PCDHA1: variants seen among roughly 807,000 people sequenced by gnomAD.
The protein encoded by PCDHA1 is protocadherin alpha 1, also known as protocadherin alpha-1.
A neutral mutation model predicts 61.3 loss-of-function variants in PCDHA1; 42 were observed. The ratio of observed to expected loss-of-function variants is 0.69; its 90% CI spans 0.54 to 0.89. PCDHA1 has a LOEUF of 0.89. Ranked by LOEUF, PCDHA1 falls within the 40% of genes least tolerant of loss-of-function variation. The pLI is 0.00. For missense variants in PCDHA1, 1,256 were observed against 1,235.3 expected (o/e 1.02, Z -0.25); for synonymous variants, 610 against 553.8 (o/e 1.10, Z -1.43).
intron 1 of PCDHA1, among the ~76,000 whole-genome samples, chr5:140,799,614 G>A (rs1432047131): frequency 1.3e-5 from 2 of 151,580 alleles, no homozygotes; most frequent in African/African-American, 2.4e-5. Context: ...TATTTATCTT[G>A]CTTGAAAAAG....
intron 1 of PCDHA1, chr5:140,821,904 C>G (rs1360851482): frequency 1.2e-6 from 2 of 1,614,220 alleles, no homozygotes; most frequent in Non-Finnish European, 1.7e-6. Flanking sequence ...ACGGAACCTT[C>G]GTTGGCCGCA....
intron 1 of PCDHA1, chr5:140,850,527 T>C: frequency 6.3e-7 from 1 of 1,598,028 alleles, no homozygotes; most frequent in Non-Finnish European, 8.6e-7. Flanking sequence ...GGCGCCAAAG[T>C]CATCGTCGCG....
intron 1 of PCDHA1, among the ~76,000 whole-genome samples, chr5:140,871,851 A>G (rs561924103): frequency 6.6e-6 from 1 of 152,382 alleles, no homozygotes; most frequent in East Asian, 1.9e-4. Flanking sequence ...AATTATGACC[A>G]TAATAACTAT....
At chr5:140,981,643 G>A (rs998815671) in intron 2 of PCDHA1, among the ~76,000 whole-genome samples, 3 of 151,992 alleles carry the variant, frequency 2.0e-5, no homozygotes, top group African/African-American at 7.3e-5. Context: ...TTTTCTCTTA[G>A]GATCCCACTT....
At position 140,788,566 on chromosome 5, in the gene PCDHA1, G is replaced by T. The variant is rs2240695; in HGVS notation, c.2276G>T (p.Cys759Phe). The change falls in exon 1 of 4, where the codon TGC becomes TTC. Residue 759 changes from cysteine (C) to phenylalanine (F), a missense_variant. Coordinates refer to ENST00000504120, the MANE Select transcript of PCDHA1 (RefSeq NM_018900.4). ...TCACAGCAGAGGCGGCAGAGGGTGT[G>T]CTCTAGCGAGGGCCCACCCAAGACC... ...SNSQQRRQRVCSSEGPPKTDL... is the reference protein window; with the variant it reads ...SNSQQRRQRVFSSEGPPKTDL... 850,019 of 1,613,562 alleles carry T rather than the reference G, an allele frequency of 0.53. 224,522 individuals carry two copies. The highest frequency in any genetic ancestry group is 0.58 in the Middle Eastern group (3,524 of 6,060).
chr5:140,878,348 T>G (rs55915538), intron 1 of PCDHA1, among the ~76,000 whole-genome samples: 4,312 of 152,298 alleles, frequency 0.028, 189 homozygotes, highest in African/African-American at 0.098. Flanking sequence ...ATCACAATAA[T>G]ATAAATGATA....
At chr5:140,937,824 A>C (rs1229119616) in intron 1 of PCDHA1, among the ~76,000 whole-genome samples, 1 of 151,696 alleles carries the variant, frequency 6.6e-6, no homozygotes, top group African/African-American at 2.4e-5. Flanking sequence ...AGGCAGGAGA[A>C]TGGCATGAAC....
chr5:140,883,782 C>T (rs1434451644), intron 1 of PCDHA1: 1 of 1,612,468 alleles, frequency 6.2e-7, no homozygotes, highest in African/African-American at 1.3e-5. Flanking sequence ...CGTGCGCTGT[C>T]GAGCTACGTG....
Position 140,786,854 on chromosome 5 carries a change from G to T in PCDHA1, c.564G>T (p.Leu188=). The change falls in exon 1 of 4, where the codon CTG becomes CTT. Residue 188 remains leucine, a synonymous_variant. Transcript: ENST00000504120. Reference sequence around the variant, plus strand: ...TGGATGTAGAGGCAAGTGATGAACTGAGTAAATCTCTTTGGCTTGAATTGA... The same window carrying T: ...TGGATGTAGAGGCAAGTGATGAACTTAGTAAATCTCTTTGGCTTGAATTGA... ...FSLDVEASDE[L]SKSLWLELRK... 1 of 1,614,172 alleles carries T rather than the reference G, an allele frequency of 6.2e-7. No individual in the cohort carries two copies. Among genetic ancestry groups the T allele is most frequent in the Non-Finnish European group, 8.5e-7 (1 of 1,180,012 alleles).
At chr5:140,891,371 T>C (rs1483919316) in intron 1 of PCDHA1, among the ~76,000 whole-genome samples, 1 of 152,146 alleles carries the variant, frequency 6.6e-6, no homozygotes, top group Non-Finnish European at 1.5e-5. Flanking sequence ...CAGTATACAT[T>C]GCACCATATT....
intron 1 of PCDHA1, chr5:140,809,532 G>C: frequency 1.2e-6 from 2 of 1,613,958 alleles, no homozygotes; most frequent in Non-Finnish European, 1.7e-6. Context: ...TCTAGGGACA[G>C]AGAAGATCAG....
At chr5:140,848,946 C>T (rs2150425951) in intron 1 of PCDHA1, 32 of 1,607,242 alleles carry the variant, frequency 2.0e-5, no homozygotes, top group Non-Finnish European at 2.5e-5. Flanking sequence ...GCTTGACTCT[C>T]GGTTTCCACT....
chr5:140,805,468 T>A (rs1763578523), intron 1 of PCDHA1: 1 of 1,006,108 alleles, frequency 9.9e-7, no homozygotes, highest in Admixed American at 6.0e-5. Context: ...AGTGTAGTTC[T>A]TCAATAGAGA....
intron 1 of PCDHA1, chr5:140,870,682 C>G: frequency 6.2e-7 from 1 of 1,612,762 alleles, no homozygotes; most frequent in South Asian, 1.1e-5. Flanking sequence ...CCACGAGGAG[C>G]TGGAGCTGCT....
chr5:141,008,284 GC>G (rs2098367825), intron 3 of PCDHA1, among the ~76,000 whole-genome samples: 1 of 152,150 alleles, frequency 6.6e-6, no homozygotes, highest in Admixed American at 6.5e-5. Context: ...AATTGAAATA[GC>G]AGTTGTACCC....
chr5:140,906,965 G>T (rs1273243518), intron 1 of PCDHA1, among the ~76,000 whole-genome samples: 1 of 152,124 alleles, frequency 6.6e-6, no homozygotes, highest in Non-Finnish European at 1.5e-5. Flanking sequence ...ATGGAATCGT[G>T]GTTGTGTCTT....
chr5:140,951,683 A>G (rs1389313679), intron 1 of PCDHA1, among the ~76,000 whole-genome samples: 1 of 152,160 alleles, frequency 6.6e-6, no homozygotes, highest in Non-Finnish European at 1.5e-5. Flanking sequence ...TGGGGATTAC[A>G]ATGTGACATG....
Position 140,941,218 on chromosome 5 carries a change from T to C in PCDHA1, c.2395-37731T>C, listed in dbSNP as rs552463058. ...TTCTTTCTTCCTTTCTTTCTTCCTT[T>C]CTTTCTTTCTTTCTTTCTTTCTTTC... On this transcript the variant is annotated intron_variant, in intron 1 of 3. Transcript: ENST00000504120. 5.6e-5 allele frequency among the ~76,000 whole-genome samples: 7 copies of C among 125,730 alleles called. No homozygotes were observed. In the South Asian group the frequency reaches 7.6e-4, roughly 14 times the overall value. 82.5% of individuals were successfully genotyped at this position (125,730 alleles called of 152,430 possible). A position where few individuals can be genotyped will look rare whatever the true frequency, so the allele number is the denominator to read the frequency against.
intron 1 of PCDHA1, chr5:140,796,660 T>C: frequency 6.2e-7 from 1 of 1,613,884 alleles, no homozygotes; most frequent in Non-Finnish European, 8.5e-7. Context: ...GCCGGCACTG[T>C]TGGCGCCTAG....
Sources: gnomAD v4.1 joint callset for allele counts (sites outside exome capture counted in the v4.1 genomes callset) on GRCh38, gnomAD v4.1.1 for gene constraint, MANE v1.5 for transcripts, NCBI Gene and HGNC (gene_info 2026-07-23, HGNC 2026-07-21) for gene names.